The following PLXNA4 variants were observed in gnomAD, a reference collection of about 807,000 sequenced individuals.
The protein encoded by PLXNA4 is plexin-A4.
A neutral mutation model predicts 191.8 loss-of-function variants in PLXNA4; 44 were observed. That is an observed-to-expected ratio of 0.23 (90% CI 0.18 to 0.29). The LOEUF (loss-of-function observed/expected upper bound fraction) is 0.29. PLXNA4 is among the 10% of genes least tolerant of loss of function. The pLI, the probability that PLXNA4 is intolerant of heterozygous loss-of-function variation, is 1.00. For missense variants in PLXNA4, 1,800 were observed against 2,488.8 expected (o/e 0.72, Z 5.89); for synonymous variants, 1,082 against 1,009.5 (o/e 1.07, Z -1.36).
At chr7:132,621,743 C>T (rs1207943455) in intron 2 of PLXNA4, among the ~76,000 whole-genome samples, 1 of 152,194 alleles carries the variant, frequency 6.6e-6, no homozygotes, top group East Asian at 1.9e-4. Context: ...AATTTACTCT[C>T]CCACAAGCAA....
chr7:132,410,708 C>A (rs6948309), intron 3 of PLXNA4, among the ~76,000 whole-genome samples: 9 of 152,148 alleles, frequency 5.9e-5, no homozygotes, highest in Admixed American at 6.5e-5. Flanking sequence ...AATCACTCCC[C>A]TCCCCAAGGC....
chr7:132,363,562 T>C (rs1477686901), intron 3 of PLXNA4, among the ~76,000 whole-genome samples: 1 of 152,244 alleles, frequency 6.6e-6, no homozygotes, highest in Non-Finnish European at 1.5e-5. Context: ...TTATATTATA[T>C]GGATAGACCA....
chr7:132,159,489 A>G lies in PLXNA4; in HGVS notation c.4644T>C (p.Ala1548=). Residue 1548 remains alanine (A), a synonymous_variant, in exon 25 of 32, where the codon GCT becomes GCC. Coordinates refer to ENST00000321063, the MANE Select transcript of PLXNA4 (RefSeq NM_020911.2). The part of the protein sequence containing the change: ...KNVPCSHRPK[A]ADMDLEWRQG... Reference sequence around the variant, plus strand: ...CCTACTCACCCAGATCCATATCTGCAGCTTTGGGCCGGTGGGAGCAAGGCA... The same window carrying G: ...CCTACTCACCCAGATCCATATCTGCGGCTTTGGGCCGGTGGGAGCAAGGCA... 6.2e-7 allele frequency: 1 copy of G among 1,614,148 alleles called. No individual in the cohort carries two copies. The highest frequency in any genetic ancestry group is 8.5e-7 in the Non-Finnish European group (1 of 1,180,022).
chr7:132,261,279 C>T (rs144575512), intron 4 of PLXNA4, among the ~76,000 whole-genome samples: 31 of 152,232 alleles, frequency 2.0e-4, no homozygotes, highest in African/African-American at 2.6e-4. Flanking sequence ...CCTGCGGCTG[C>T]GATGCCTGCA....
intron 3 of PLXNA4, among the ~76,000 whole-genome samples, chr7:132,381,885 G>A (rs1230961239): frequency 6.6e-6 from 1 of 152,232 alleles, no homozygotes; most frequent in East Asian, 1.9e-4. Flanking sequence ...GCAGGAGCCA[G>A]AGGCGTCTGG....
At chr7:132,282,021 ATGT>A (rs1800496546) in intron 4 of PLXNA4, among the ~76,000 whole-genome samples, 1 of 152,172 alleles carries the variant, frequency 6.6e-6, no homozygotes, top group South Asian at 2.1e-4. Context: ...GCCCTCCAAG[ATGT>A]TGGGTTCCCA....
intron 3 of PLXNA4, among the ~76,000 whole-genome samples, chr7:132,469,830 G>A (rs1410695259): frequency 6.6e-6 from 1 of 152,218 alleles, no homozygotes; most frequent in Non-Finnish European, 1.5e-5. Context: ...GTAGTGCCAG[G>A]AAATTATCAG....
In PLXNA4 at chr7:132,382,870, CATAT is replaced by C. The variant is rs563380370; in HGVS notation, c.1372-84652_1372-84649del. 1.5e-3 allele frequency among the ~76,000 whole-genome samples: 225 copies of C among 152,094 alleles called. 6 individuals are homozygous for C. In the South Asian group the frequency reaches 0.043, roughly 29 times the overall value. ...GTGTGCATGTGTATATTTATATATA[CATAT>C]ATAAACACACACAAGTATATGCATA... On this transcript the variant is annotated intron_variant, in intron 3 of 31. Transcript: ENST00000321063.
intron 1 of PLXNA4, among the ~76,000 whole-genome samples, chr7:132,548,915 A>T (rs1800430470): frequency 6.6e-6 from 1 of 152,216 alleles, no homozygotes; most frequent in Non-Finnish European, 1.5e-5. Flanking sequence ...TGCTCATTAT[A>T]TGCTAATTAT....
chr7:132,435,125 C>T (rs965220360), intron 3 of PLXNA4, among the ~76,000 whole-genome samples: 10 of 152,128 alleles, frequency 6.6e-5, no homozygotes, highest in African/African-American at 2.4e-4. Flanking sequence ...AGTATGTTTG[C>T]CTCGCCTCGG....
rs1334307870 is a variant in PLXNA4 at position 132,151,426 on chromosome 7, G to A, written c.4661-2780C>T. Among the ~76,000 whole-genome samples, 48 of 78,994 alleles carry A rather than the reference G, an allele frequency of 6.1e-4. 4 individuals are homozygous for A. The highest frequency in any genetic ancestry group is 4.3e-3 in the African/African-American group (42 of 9,716). The allele number at this position is 78,994 out of a possible 152,430, so 51.8% of individuals were successfully genotyped here. A position where few individuals can be genotyped will look rare whatever the true frequency, so the allele number is the denominator to read the frequency against. On this transcript the variant is annotated intron_variant, in intron 25 of 31. Coordinates refer to ENST00000321063, the MANE Select transcript of PLXNA4 (RefSeq NM_020911.2). The stretch of plus-strand genomic sequence containing the variant: ...GGAGGAGGAAGGAGGAGGAGGAGGA[G>A]GAGGAAGGAGGAGGAGGAGGAAGAA...
At chr7:132,197,580 G>T (rs62469723) in intron 13 of PLXNA4, among the ~76,000 whole-genome samples, 4 of 152,200 alleles carry the variant, frequency 2.6e-5, no homozygotes, top group African/African-American at 9.6e-5. Context: ...AAGATCTTTT[G>T]GTAACTAAGT....
rs533889616 is a variant in PLXNA4 at position 132,443,458 on chromosome 7, C to T, written c.1371+45834G>A. On this transcript the variant is annotated intron_variant, in intron 3 of 31. Transcript: ENST00000321063. Reference sequence around the variant, plus strand: ...ACAGTTTTTCTTTCCTCAGTGCAAACGAGAAACTGATGGTTTCATGACTGT... The same window carrying T: ...ACAGTTTTTCTTTCCTCAGTGCAAATGAGAAACTGATGGTTTCATGACTGT... Among the ~76,000 whole-genome samples, 16 of 152,300 alleles carry T rather than the reference C, an allele frequency of 1.1e-4. 1 individual carries two copies. The highest frequency in any genetic ancestry group is 4.1e-4 in the South Asian group (2 of 4,832).
chr7:132,175,839 G>A (rs66489121), intron 20 of PLXNA4, among the ~76,000 whole-genome samples: 26,458 of 152,272 alleles, frequency 0.17, 2,549 homozygotes, highest in Middle Eastern at 0.28. Flanking sequence ...GGACCACCAG[G>A]ATGGATTAAC....
intron 13 of PLXNA4, among the ~76,000 whole-genome samples, chr7:132,198,229 C>T (rs1797313162): frequency 6.6e-6 from 1 of 152,156 alleles, no homozygotes; most frequent in South Asian, 2.1e-4. Context: ...GGCCTTATGC[C>T]CCAAGTAGGT....
chr7:132,249,735 G>C (rs1799181624), intron 4 of PLXNA4, among the ~76,000 whole-genome samples: 1 of 152,236 alleles, frequency 6.6e-6, no homozygotes, highest in Admixed American at 6.5e-5. Context: ...GGGCCTGCCA[G>C]ACACCACTGG....
At chr7:132,505,295 G>A (rs1175823526) in intron 2 of PLXNA4, among the ~76,000 whole-genome samples, 1 of 152,230 alleles carries the variant, frequency 6.6e-6, no homozygotes, top group Non-Finnish European at 1.5e-5. Flanking sequence ...CTTCCATGAT[G>A]AACTTGGCTT....
chr7:132,610,753 A>G (rs1414682994), intron 2 of PLXNA4, among the ~76,000 whole-genome samples: 1 of 152,198 alleles, frequency 6.6e-6, no homozygotes, highest in Non-Finnish European at 1.5e-5. Context: ...CATTTGCCTA[A>G]GGCTCCTCTT....
intron 3 of PLXNA4, among the ~76,000 whole-genome samples, chr7:132,320,651 C>CAAGCA (rs1802124965): frequency 6.6e-6 from 1 of 152,018 alleles, no homozygotes. Context: ...ACTGAATGAC[C>CAAGCA]TTTCCCATGA....
Sources: gnomAD v4.1 joint callset for allele counts (sites outside exome capture counted in the v4.1 genomes callset) on GRCh38, gnomAD v4.1.1 for gene constraint, MANE v1.5 for transcripts, NCBI Gene and HGNC (gene_info 2026-07-23, HGNC 2026-07-21) for gene names.